The following ZKSCAN1 variants were observed in gnomAD, a reference collection of about 807,000 sequenced individuals.
ZKSCAN1 encodes the protein zinc finger with KRAB and SCAN domains 1, also known as zinc finger protein with KRAB and SCAN domains 1.
Under a neutral mutation model 51.6 loss-of-function variants are expected in ZKSCAN1, and 14 were observed. That is an observed-to-expected ratio of 0.27 (90% confidence interval 0.18 to 0.42). The LOEUF is 0.42. Among genes scored for constraint, ZKSCAN1 ranks in the 10% least tolerant of loss-of-function variants. The pLI is 1.00. For missense variants in ZKSCAN1, 531 were observed against 710.0 expected, an observed-to-expected ratio of 0.75 and a Z score of 2.86; for synonymous variants, 263 against 261.5, an observed-to-expected ratio of 1.01 and a Z score of -0.06.
intron 5 of ZKSCAN1, among the ~76,000 whole-genome samples, chr7:100,031,165 T>TAAAGCGTGAAC (rs1182266291): frequency 6.6e-6 from 1 of 151,808 alleles, no homozygotes; most frequent in Non-Finnish European, 1.5e-5. Flanking sequence ...GGAGTGTGAA[T>TAAAGCGTGAAC]AAAGCGTGAA....
chr7:100,020,588 G>A (rs1284573529), intron 1 of ZKSCAN1, among the ~76,000 whole-genome samples: 2 of 152,096 alleles, frequency 1.3e-5, no homozygotes, highest in Non-Finnish European at 2.9e-5. Flanking sequence ...CCCGAGAGGC[G>A]GATGTTGCAG....
chr7:100,042,910 G>C (rs1236824948), downstream of ZKSCAN1, among the ~76,000 whole-genome samples: 5 of 150,118 alleles, frequency 3.3e-5, no homozygotes. Context: ...CCATTCTCTT[G>C]CCTCAGCCTC....
downstream of ZKSCAN1, among the ~76,000 whole-genome samples, chr7:100,045,273 T>C (rs559908534): frequency 2.0e-5 from 3 of 150,522 alleles, no homozygotes; most frequent in African/African-American, 7.3e-5. Flanking sequence ...GCGGTGCGGG[T>C]GCGGTGGCTC....
rs537879949 is a variant in ZKSCAN1 at position 100,037,740 on chromosome 7, G to A, written c.*3543G>A. 13 of 985,190 alleles carry A rather than the reference G, an allele frequency of 1.3e-5. No homozygotes were observed. The South Asian group carries it at 4.7e-4, about 36-fold the overall frequency. The allele number at this position is 985,190 out of a possible 1,614,324, so 61.0% of individuals were successfully genotyped here. On this transcript the variant is annotated 3_prime_UTR_variant, in exon 6 of 6. Transcript: ENST00000324306. ...TGCAAGAGGGAGCTCAATCTTGGCC[G>A]GGCGCCGTGGCTCACGCCTGTAATC... is the stretch of plus-strand genomic sequence containing the variant.
rs1382809932 is a variant in ZKSCAN1, at chr7:100,040,873, C to G, written c.*6676C>G. The G allele has an allele frequency of 2.0e-6, 2 of 984,990 alleles. No individual in the cohort carries two copies. Among genetic ancestry groups the G allele is most frequent in the Non-Finnish European group, 2.4e-6 (2 of 829,912 alleles). The allele number at this position is 984,990 out of a possible 1,614,324, so 61.0% of individuals were successfully genotyped here. Reference sequence around the variant, plus strand: ...TTAGATTAGAGATGCTTCTGCTGATCGCAGGGGTTCTTATTTGAAAACATC... The same window carrying G: ...TTAGATTAGAGATGCTTCTGCTGATGGCAGGGGTTCTTATTTGAAAACATC... On this transcript the variant is annotated 3_prime_UTR_variant, in exon 6 of 6. Coordinates refer to ENST00000324306, the MANE Select transcript of ZKSCAN1 (RefSeq NM_003439.4).
rs546548103 is a variant in ZKSCAN1 at position 100,034,135 on chromosome 7, G to A, written c.1630G>A (p.Ala544Thr). ...LHHRIHARER[A>T]SEYSPASLDA... ...TCACAGAATCCATGCCAGAGAGAGA[G>A]CCTCTGAGTACAGCCCAGCCTCCCT... The change falls in exon 6 of 6, where the codon GCC (alanine) becomes ACC (threonine). Residue 544 changes from alanine to threonine, a missense_variant. Physicochemically the swap from Ala to Thr is moderately conservative, Grantham distance 58 (BLOSUM62 0). This residue lies in a region of ZKSCAN1 where 128 missense variants were observed against 219.5 expected (regional missense o/e 0.58). Coordinates refer to ENST00000324306, the MANE Select transcript of ZKSCAN1 (RefSeq NM_003439.4). The A allele has an allele frequency of 3.8e-6, 6 of 1,587,706 alleles. No homozygotes were observed. The highest frequency in any genetic ancestry group is 3.4e-5 in the South Asian group (3 of 87,648).
chr7:100,030,083 T>C, intron 4 of ZKSCAN1, 131 bp downstream of exon 4: 1 of 1,387,116 alleles, frequency 7.2e-7, no homozygotes, highest in South Asian at 1.3e-5. Context: ...CCTCTCCTTT[T>C]AGCATCTTTC....
At chr7:100,015,964 T>A (rs1790342697) in intron 1 of ZKSCAN1, among the ~76,000 whole-genome samples, 1 of 152,174 alleles carries the variant, frequency 6.6e-6, no homozygotes, top group African/African-American at 2.4e-5. Context: ...TTTCAGTGGC[T>A]GAGGGTGCCC....
At position 100,034,237 on chromosome 7, in the gene ZKSCAN1, CTAAAAT is replaced by C; in HGVS notation, c.*43_*48del. The C allele has an allele frequency of 6.7e-7, 1 of 1,498,418 alleles. No homozygotes were observed. The highest frequency in any genetic ancestry group is 8.8e-7 in the Non-Finnish European group (1 of 1,132,040). The allele number at this position is 1,498,418 out of a possible 1,614,324, so 92.8% of individuals were successfully genotyped here. A position where few individuals can be genotyped will look rare whatever the true frequency, so the allele number is the denominator to read the frequency against. ...ATCAAGCCATTTCCCCCTTTTGTTTCTAAAATTATTTCAGAGATGTGTGCTCCTGGA... is the reference window on the plus strand; with the variant it reads ...ATCAAGCCATTTCCCCCTTTTGTTTCTATTTCAGAGATGTGTGCTCCTGGA... On this transcript the variant is annotated 3_prime_UTR_variant, in exon 6 of 6. Transcript: ENST00000324306.
In ZKSCAN1 at chr7:100,035,883, C is replaced by G. The variant is rs1405463057; in HGVS notation, c.*1686C>G. 2 of 985,300 alleles carry G rather than the reference C, an allele frequency of 2.0e-6. No individual in the cohort carries two copies. The highest frequency in any genetic ancestry group is 2.4e-6 in the Non-Finnish European group (2 of 829,956). The allele number at this position is 985,300 out of a possible 1,614,324, so 61.0% of individuals were successfully genotyped here. A position where few individuals can be genotyped will look rare whatever the true frequency, so the allele number is the denominator to read the frequency against. On this transcript the variant is annotated 3_prime_UTR_variant, in exon 6 of 6. Transcript: ENST00000324306. ...AGCTGTGTAAGTAGTCATCGCCACT[C>G]AAGTAGGACAAGGGTCCTACCCAAG...
downstream of ZKSCAN1, chr7:100,044,680 CAAAAAAAAAAAA>C (rs59706759): frequency 8.7e-3 from 3,602 of 411,944 alleles, 6 homozygotes; most frequent in Non-Finnish European, 9.8e-3. Flanking sequence ...GACTCTATCT[CAAAAAAAAAAAA>C]AAAAAAAAAA....
rs991987434 is a variant in ZKSCAN1 at position 100,037,832 on chromosome 7, A to G, written c.*3635A>G. The G allele has an allele frequency of 4.2e-6, 3 of 721,914 alleles. No individual in the cohort carries two copies. In the African/African-American group the frequency reaches 5.8e-5, roughly 14 times the overall value. The allele number at this position is 721,914 out of a possible 1,614,324, so 44.7% of individuals were successfully genotyped here. A position where few individuals can be genotyped will look rare whatever the true frequency, so the allele number is the denominator to read the frequency against. Reference sequence around the variant, plus strand: ...GTAGTTCGAGACCAGCCTGGCCAACATGGTGAAACCTTGTCTCTACTAAAA... The same window carrying G: ...GTAGTTCGAGACCAGCCTGGCCAACGTGGTGAAACCTTGTCTCTACTAAAA... On this transcript the variant is annotated 3_prime_UTR_variant, in exon 6 of 6. Transcript: ENST00000324306.
At chr7:100,016,586 C>T (rs527551606) in intron 1 of ZKSCAN1, among the ~76,000 whole-genome samples, 1 of 152,226 alleles carries the variant, frequency 6.6e-6, no homozygotes, top group South Asian at 2.1e-4. Flanking sequence ...AAGGCCCTTC[C>T]GACTTCGAAA....
At position 100,016,928 on chromosome 7, in the gene ZKSCAN1, C is replaced by T. The variant is rs989603916; in HGVS notation, c.-89+1202C>T. On this transcript the variant is annotated intron_variant, in intron 1 of 5. Coordinates refer to ENST00000324306, the MANE Select transcript of ZKSCAN1 (RefSeq NM_003439.4). ...GGTGATTTGCCCCAGAATGTGTATC[C>T]AGGTTTGTATCTTCTCTGAATTAAC... The T allele has an allele frequency of 5.3e-5, 8 of 152,138 alleles. No individual in the cohort carries two copies. In the East Asian group the frequency reaches 1.5e-3, roughly 29 times the overall value. The allele number at this position is 152,138 out of a possible 1,614,324, so 9.4% of individuals were successfully genotyped here.
chr7:100,016,738 A>C (rs1286555606), intron 1 of ZKSCAN1: 1 of 152,214 alleles, frequency 6.6e-6, no homozygotes, highest in African/African-American at 2.4e-5. Flanking sequence ...CCTGGGACCA[A>C]AGAAAGCATT....
At position 100,033,214 on chromosome 7, in the gene ZKSCAN1, C is replaced by T. The variant is rs1354081787; in HGVS notation, c.800-91C>T. ...AAATATTGCAAAGTCATTTTGCAGC[C>T]GTGTAGAAGCTTCTCGGGAAACTGT... On this transcript the variant is annotated intron_variant, in intron 5 of 5. Transcript: ENST00000324306. The surrounding 1 kb of genome is among the most constrained non-coding windows in gnomAD (Gnocchi z 4.1). The T allele has an allele frequency of 2.0e-5, 30 of 1,466,662 alleles. No individual in the cohort carries two copies. The highest frequency in any genetic ancestry group is 5.7e-5 in the Admixed American group (2 of 34,862). The allele number at this position is 1,466,662 out of a possible 1,614,324, so 90.9% of individuals were successfully genotyped here. A position where few individuals can be genotyped will look rare whatever the true frequency, so the allele number is the denominator to read the frequency against.
rs142526628 is a variant in ZKSCAN1, at chr7:100,029,861, C to G, written c.581C>G (p.Ala194Gly). 4.3e-5 allele frequency: 70 copies of G among 1,614,060 alleles called. No individual in the cohort carries two copies. In the African/African-American group the frequency reaches 7.3e-4, roughly 17 times the overall value. The change falls in exon 4 of 6, where the codon GCT (alanine) becomes GGT (glycine). Residue 194 changes from alanine (A) to glycine (G), a missense_variant and splice_region_variant. By Grantham distance (60) the Ala-to-Gly change is moderately conservative (BLOSUM62 0). Coordinates refer to ENST00000324306, the MANE Select transcript of ZKSCAN1 (RefSeq NM_003439.4). ...TCACAGACCCTTTCTCCTCCCCCAG[C>G]TCTTCCTGCTGCCCACATTCCTGCA... ...SRKPRLLQSR[A>G]LPAAHIPAPP...
In ZKSCAN1 at chr7:100,024,291, C is replaced by T; in HGVS notation, c.564C>T (p.Arg188=). ...SHFKHSSRKP[R]LLQSRALPAA... Reference sequence around the variant, plus strand: ...TCAAACATTCGTCTCGGAAACCCCGCCTCTTACAGTCACGAGGTAAGAAGC... The same window carrying T: ...TCAAACATTCGTCTCGGAAACCCCGTCTCTTACAGTCACGAGGTAAGAAGC... Residue 188 remains arginine (R), a synonymous_variant, in exon 3 of 6, where the codon CGC becomes CGT. Coordinates refer to ENST00000324306, the MANE Select transcript of ZKSCAN1 (RefSeq NM_003439.4). 6.2e-7 allele frequency: 1 copy of T among 1,614,034 alleles called. No homozygotes were observed. The highest frequency in any genetic ancestry group is 8.5e-7 in the Non-Finnish European group (1 of 1,180,020).
intron 1 of ZKSCAN1, among the ~76,000 whole-genome samples, chr7:100,019,023 G>A (rs1175016529): frequency 6.6e-6 from 1 of 152,184 alleles, no homozygotes; most frequent in African/African-American, 2.4e-5. Flanking sequence ...AGGGATTTCT[G>A]GTGGCTGGGC....
Sources: gnomAD v4.1 joint callset for allele counts (sites outside exome capture counted in the v4.1 genomes callset) on GRCh38, gnomAD v4.1.1 for gene constraint, gnomAD v4.1.1 regional missense constraint, Gnocchi (gnomAD v3.1) non-coding constraint, MANE v1.5 for transcripts, NCBI Gene and HGNC (gene_info 2026-07-23, HGNC 2026-07-21) for gene names.